SDK2: variants seen among roughly 807,000 people sequenced by gnomAD.
The protein encoded by SDK2 is protein sidekick-2.
SDK2 carries 105 observed loss-of-function variants against 253.9 expected under a neutral mutation model. The ratio of observed to expected loss-of-function variants is 0.41; its 90% CI spans 0.35 to 0.49. The LOEUF is 0.49. SDK2 is among the 20% of genes least tolerant of loss of function. The probability of loss-of-function intolerance (pLI) is 0.06; values close to 1 mark genes in which losing one functional copy is unlikely to be tolerated. For missense variants in SDK2, 2,608 were observed against 3,003.0 expected, an observed-to-expected ratio of 0.87 and a Z score of 3.07; for synonymous variants, 1,249 against 1,234.9, an observed-to-expected ratio of 1.01 and a Z score of -0.24.
chr17:73,487,179 C>T (rs1279318414), intron 2 of SDK2, among the ~76,000 whole-genome samples: 6 of 152,164 alleles, frequency 3.9e-5, no homozygotes, highest in Admixed American at 3.9e-4. Context: ...GGTGATCCAC[C>T]CGCCTCAGCC....
chr17:73,493,962 C>T (rs1308285614), intron 2 of SDK2, among the ~76,000 whole-genome samples: 1 of 152,196 alleles, frequency 6.6e-6, no homozygotes, highest in African/African-American at 2.4e-5. Flanking sequence ...CAAACAAGGA[C>T]ACCGAGGGAA....
intron 1 of SDK2, among the ~76,000 whole-genome samples, chr17:73,566,315 ATATATGTGTG>A (rs1187005764): frequency 8.9e-6 from 1 of 111,770 alleles, no homozygotes; most frequent in African/African-American, 4.2e-5. Context: ...ATTCTTATAT[ATATATGTGTG>A]TGTGTGTGTG....
chr17:73,342,864 T>G (rs748161116), intron 44 of SDK2, among the ~76,000 whole-genome samples: 13 of 149,134 alleles, frequency 8.7e-5, no homozygotes, highest in Non-Finnish European at 1.5e-4. Context: ...CAGGAGAGAA[T>G]GCTGTAAAAG....
At chr17:73,419,853 C>G (rs1412763176) in intron 15 of SDK2, among the ~76,000 whole-genome samples, 1 of 149,446 alleles carries the variant, frequency 6.7e-6, no homozygotes, top group East Asian at 2.0e-4. Context: ...CACGGAACTA[C>G]AGCCTGGGAA....
chr17:73,400,930 G>C, intron 21 of SDK2, 90 bp downstream of exon 21: 3 of 1,297,314 alleles, frequency 2.3e-6, no homozygotes, highest in Non-Finnish European at 2.1e-6. Context: ...CTACAGGCAT[G>C]AGCCACCACG....
At chr17:73,586,991 C>T (rs768110101) in intron 1 of SDK2, among the ~76,000 whole-genome samples, 24 of 152,182 alleles carry the variant, frequency 1.6e-4, no homozygotes, top group Middle Eastern at 3.2e-3. Context: ...AAAGAGAATG[C>T]CTCTTGCAGC....
chr17:73,388,491 G>C (rs2062893366), intron 29 of SDK2, among the ~76,000 whole-genome samples: 1 of 152,144 alleles, frequency 6.6e-6, no homozygotes, highest in Non-Finnish European at 1.5e-5. Context: ...CTTCTGCAGG[G>C]CTTCTCAAAC....
At chr17:73,469,928 C>G (rs527527377) in intron 3 of SDK2, among the ~76,000 whole-genome samples, 1 of 151,706 alleles carries the variant, frequency 6.6e-6, no homozygotes, top group Admixed American at 6.6e-5. Flanking sequence ...AACTTACCAC[C>G]TACTCCCACC....
In SDK2 at chr17:73,376,415, C is replaced by T. The variant is rs903969766; in HGVS notation, c.4980+2762G>A. The stretch of plus-strand genomic sequence containing the variant: ...AGAACGTGCATGAATGTGCCTGCCA[C>T]GCACCAGTTGGGTGCAGTCTGACTG... On this transcript the variant is annotated intron_variant, in intron 36 of 44. Coordinates refer to ENST00000392650, the MANE Select transcript of SDK2 (RefSeq NM_001144952.2). Among the ~76,000 whole-genome samples the T allele has an allele frequency of 4.1e-5, 6 of 147,648 alleles. 1 individual carries two copies. Among genetic ancestry groups the T allele is most frequent in the Admixed American group, 2.7e-4 (4 of 15,028 alleles).
At position 73,643,979 on chromosome 17, in the gene SDK2, ACTCTCCCAGCCCC is replaced by A; in HGVS notation, c.64+33_64+45del. The A allele has an allele frequency of 3.5e-6, 1 of 284,982 alleles. No homozygotes were observed. The highest frequency in any genetic ancestry group is 6.2e-6 in the Non-Finnish European group (1 of 162,156). 17.7% of individuals were successfully genotyped at this position (284,982 alleles called of 1,614,324 possible). On this transcript the variant is annotated intron_variant, in intron 1 of 44. Coordinates refer to ENST00000392650, the MANE Select transcript of SDK2 (RefSeq NM_001144952.2). This position sits in a 1 kb window ranked among gnomAD's most constrained non-coding sequence, Gnocchi z 6.9. ...AGCTCCCGCCGCCCCTCCCCCGCCC[ACTCTCCCAGCCCC>A]CTCCCTGTCCCCACGTGGGGGTCCC...
At chr17:73,370,882 G>A (rs1413443483) in intron 36 of SDK2, among the ~76,000 whole-genome samples, 1 of 151,696 alleles carries the variant, frequency 6.6e-6, no homozygotes, top group East Asian at 2.0e-4. Context: ...GGGCAACATG[G>A]CAAGACCCCT....
At position 73,384,988 on chromosome 17, in the gene SDK2, C is replaced by T. The variant is rs78347173; in HGVS notation, c.4569+859G>A. On this transcript the variant is annotated intron_variant, in intron 32 of 44. Coordinates refer to ENST00000392650, the MANE Select transcript of SDK2 (RefSeq NM_001144952.2). ...AGGTGCACTAAGTCATGTTTATCTACGGGAGCGTCCTCTCCTTGAGCTGTG... is the reference window on the plus strand; with the variant it reads ...AGGTGCACTAAGTCATGTTTATCTATGGGAGCGTCCTCTCCTTGAGCTGTG... Among the ~76,000 whole-genome samples the T allele has an allele frequency of 9.3e-3, 1,413 of 152,264 alleles. 36 individuals carry two copies. Among genetic ancestry groups the T allele is most frequent in the East Asian group, 0.087 (449 of 5,178 alleles).
intron 1 of SDK2, among the ~76,000 whole-genome samples, chr17:73,577,354 C>T (rs1303969166): frequency 6.6e-6 from 1 of 152,234 alleles, no homozygotes; most frequent in Non-Finnish European, 1.5e-5. Context: ...ATTTACTCAA[C>T]AAACATATAC....
intron 1 of SDK2, among the ~76,000 whole-genome samples, chr17:73,604,236 G>A (rs768835145): frequency 6.6e-5 from 10 of 152,224 alleles, no homozygotes; most frequent in Admixed American, 2.0e-4. Flanking sequence ...CCAGAGGAGC[G>A]GACCCGCAAA....
At chr17:73,423,625 G>A (rs913133572) in intron 13 of SDK2, 103 bp from the exon 14 acceptor site, 11 of 1,289,124 alleles carry the variant, frequency 8.5e-6, no homozygotes, top group Middle Eastern at 2.5e-4. Flanking sequence ...CCATGATACC[G>A]CATGCTTAGA....
At position 73,393,669 on chromosome 17, in the gene SDK2, G is replaced by A; in HGVS notation, c.3789C>T (p.Leu1263=). The change falls in exon 27 of 45, where the codon CTC becomes CTT. Residue 1263 remains leucine (L), a synonymous_variant. Coordinates refer to ENST00000392650, the MANE Select transcript of SDK2 (RefSeq NM_001144952.2). ...AGAGCACGTATTTGCCCAAGCCGGT[G>A]AGCTGGGCACTGCGAGACGAGTTGC... ...VEGNSSRSAQ[L]TGLGKYVLYE... The A allele has an allele frequency of 3.1e-6, 5 of 1,600,248 alleles. No individual in the cohort carries two copies. Among genetic ancestry groups the A allele is most frequent in the Non-Finnish European group, 4.3e-6 (5 of 1,169,642 alleles).
chr17:73,422,211 T>C (rs1478315793), intron 15 of SDK2, 76 bp downstream of exon 15: 2 of 1,540,050 alleles, frequency 1.3e-6, no homozygotes, highest in East Asian at 2.3e-5. Context: ...AGCCAGAATC[T>C]GCCACATCGG....
In SDK2 at chr17:73,545,261, C is replaced by T. The variant is rs374950939; in HGVS notation, c.65-37664G>A. ...CTTGCCCCTGCTGGACTCGCTCAAC[C>T]CCGCCCTGCTTCTTCCCCAGCTGCC... On this transcript the variant is annotated intron_variant, in intron 1 of 44. Transcript: ENST00000392650. Among the ~76,000 whole-genome samples, 559 of 152,214 alleles carry T rather than the reference C, an allele frequency of 3.7e-3. 7 individuals carry two copies. The highest frequency in any genetic ancestry group is 0.013 in the African/African-American group (539 of 41,522).
intron 18 of SDK2, among the ~76,000 whole-genome samples, chr17:73,412,212 A>ATGCATATACACATATACATATATGTAT: frequency 6.7e-6 from 1 of 149,400 alleles, no homozygotes; most frequent in African/African-American, 2.4e-5. Context: ...ATATATGTAT[A>ATGCATATACACATATACATATATGTAT]TGCATATACA....
Sources: gnomAD v4.1 joint callset for allele counts (sites outside exome capture counted in the v4.1 genomes callset) on GRCh38, gnomAD v4.1.1 for gene constraint, Gnocchi (gnomAD v3.1) non-coding constraint, MANE v1.5 for transcripts, NCBI Gene and HGNC (gene_info 2026-07-23, HGNC 2026-07-21) for gene names.